The following USP43 variants were observed in gnomAD, a reference collection of about 807,000 sequenced individuals.
USP43 encodes the protein ubiquitin specific peptidase 43, also known as ubiquitin carboxyl-terminal hydrolase 43.
In USP43, 33 loss-of-function variants were observed where a neutral mutation model predicts 90.7. The ratio of observed to expected loss-of-function variants is 0.36; its 90% confidence interval spans 0.28 to 0.49. USP43 has a LOEUF of 0.49. Among genes scored for constraint, USP43 ranks in the 20% least tolerant of loss-of-function variants. The probability of loss-of-function intolerance (pLI) is 0.98; values close to 1 mark genes in which losing one functional copy is unlikely to be tolerated. For synonymous variants in USP43, 598 were observed against 615.8 expected (o/e 0.97, Z 0.43); for missense variants, 1,274 against 1,476.4 (o/e 0.86, Z 2.25).
intron 1 of USP43, among the ~76,000 whole-genome samples, chr17:9,655,419 G>A (rs941825236): frequency 6.6e-6 from 1 of 152,190 alleles, no homozygotes; most frequent in South Asian, 2.1e-4. Flanking sequence ...GGGGTACCAC[G>A]GGATGAAGGC....
intron 12 of USP43, among the ~76,000 whole-genome samples, chr17:9,707,625 C>T (rs978435639): frequency 1.5e-5 from 2 of 133,836 alleles, no homozygotes; most frequent in Non-Finnish European, 3.1e-5. Context: ...CCAGCCTGGG[C>T]GACAGACCGA....
At chr17:9,662,292 A>T (rs1912696393) in intron 2 of USP43, among the ~76,000 whole-genome samples, 1 of 152,114 alleles carries the variant, frequency 6.6e-6, no homozygotes, top group Non-Finnish European at 1.5e-5. Flanking sequence ...GGGCAGTCAA[A>T]ATAGGCTAGG....
intron 14 of USP43, 117 bp from the exon 15 acceptor site, chr17:9,727,836 TG>T (rs1917351036): frequency 8.6e-7 from 1 of 1,157,992 alleles, no homozygotes; most frequent in South Asian, 1.6e-5. Context: ...TCTTCACTGC[TG>T]TGTCTCCAGT....
At chr17:9,678,813 A>G (rs866661589) in intron 5 of USP43, among the ~76,000 whole-genome samples, 1 of 147,074 alleles carries the variant, frequency 6.8e-6, no homozygotes, top group Non-Finnish European at 1.5e-5. Flanking sequence ...CTTTTCTGGG[A>G]TGAAGTACAT....
Position 9,674,987 on chromosome 17 carries a change from CGTGA to C in USP43, c.833+8_833+11del. The C allele has an allele frequency of 1.9e-6, 3 of 1,613,166 alleles. No individual in the cohort carries two copies. Among genetic ancestry groups the C allele is most frequent in the Non-Finnish European group, 2.5e-6 (3 of 1,179,140 alleles). On this transcript the variant is annotated splice_donor_5th_base_variant and intron_variant, in intron 4 of 14. Coordinates refer to ENST00000285199, the MANE Select transcript of USP43 (RefSeq NM_153210.5). This position sits in a 1 kb window ranked among gnomAD's most constrained non-coding sequence, Gnocchi z 4.4. ...CTATCCCCTTGCGCCAGACGAGGTA[CGTGA>C]GTGTCGCGGCTTGCCCGGTGAACTT...
chr17:9,704,301 C>CT (rs941142008), intron 12 of USP43, among the ~76,000 whole-genome samples: 32 of 151,846 alleles, frequency 2.1e-4, no homozygotes, highest in African/African-American at 3.6e-4. Context: ...TATCTTTGTG[C>CT]TTTTTTTTGT....
intron 14 of USP43, among the ~76,000 whole-genome samples, chr17:9,717,321 C>G (rs1178242290): frequency 6.6e-6 from 1 of 151,198 alleles, no homozygotes; most frequent in Non-Finnish European, 1.5e-5. Flanking sequence ...GTCTGCATTT[C>G]TGTTGGGTGT....
At chr17:9,660,918 C>A (rs139030203) in intron 2 of USP43, among the ~76,000 whole-genome samples, 1 of 152,332 alleles carries the variant, frequency 6.6e-6, no homozygotes, top group Non-Finnish European at 1.5e-5. Context: ...CGGCTGTGTA[C>A]GCTTGAAGGT....
At chr17:9,699,681 G>A (rs913314989) in intron 9 of USP43, among the ~76,000 whole-genome samples, 7 of 152,216 alleles carry the variant, frequency 4.6e-5, no homozygotes, top group Admixed American at 4.6e-4. Flanking sequence ...AGAGCTACAG[G>A]TTGACAGGCA....
rs550699190 is a variant in USP43, at chr17:9,677,332, T to C, written c.969+451T>C. ...TAGCTAGTAAGTGGCTGAGCCAGGA[T>C]TTGGATTTCGATGGTTTGACTTCAT... On this transcript the variant is annotated intron_variant, in intron 5 of 14. Coordinates refer to ENST00000285199, the MANE Select transcript of USP43 (RefSeq NM_153210.5). Among the ~76,000 whole-genome samples the C allele has an allele frequency of 2.0e-5, 3 of 152,224 alleles. No homozygotes were observed. In the South Asian group the frequency reaches 6.2e-4, roughly 32 times the overall value.
chr17:9,694,465 G>A lies in USP43; in HGVS notation c.1457+1235G>A, dbSNP rs188681083. Among the ~76,000 whole-genome samples, 425 of 152,272 alleles carry A rather than the reference G, an allele frequency of 2.8e-3. 3 individuals carry two copies. Among genetic ancestry groups the A allele is most frequent in the Non-Finnish European group, 4.8e-3 (327 of 68,032 alleles). On this transcript the variant is annotated intron_variant, in intron 9 of 14. Coordinates refer to ENST00000285199, the MANE Select transcript of USP43 (RefSeq NM_153210.5). ...CCTGTGAGCTAATTGTCACCAGCCC[G>A]TGACAAGAACTTGAGAGGAAGCACT...
In USP43 at chr17:9,674,916, C is replaced by T. The variant is rs1375012394; in HGVS notation, c.766C>T (p.Leu256=). 1.1e-5 allele frequency: 18 copies of T among 1,613,898 alleles called. No individual in the cohort carries two copies. Among genetic ancestry groups the T allele is most frequent in the Non-Finnish European group, 1.5e-5 (18 of 1,179,906 alleles). ...YRSSLTCPHC[L]KQSNTFDPFL... Reference sequence around the variant, plus strand: ...ATCTTCCTTGACTTGTCCCCACTGCCTGAAACAGAGCAACACCTTTGATCC... The same window carrying T: ...ATCTTCCTTGACTTGTCCCCACTGCTTGAAACAGAGCAACACCTTTGATCC... Residue 256 remains leucine, a synonymous_variant, in exon 4 of 15, where the codon CTG becomes TTG. Transcript: ENST00000285199. This position sits in a 1 kb window ranked among gnomAD's most constrained non-coding sequence, Gnocchi z 4.4.
At chr17:9,691,967 G>A (rs894343452) in intron 8 of USP43, among the ~76,000 whole-genome samples, 19 of 151,556 alleles carry the variant, frequency 1.3e-4, no homozygotes, top group African/African-American at 3.6e-4. Flanking sequence ...GCAAGAACCC[G>A]GGAGGCAGAG....
At chr17:9,715,399 G>C (rs1050429218) in intron 14 of USP43, among the ~76,000 whole-genome samples, 3 of 152,164 alleles carry the variant, frequency 2.0e-5, no homozygotes, top group Non-Finnish European at 4.4e-5. Flanking sequence ...GCTGCAGTGA[G>C]CTGTGAGCAC....
chr17:9,668,283 A>C (rs10521160), intron 3 of USP43, among the ~76,000 whole-genome samples: 25,006 of 152,118 alleles, frequency 0.16, 2,141 homozygotes, highest in East Asian at 0.32. Flanking sequence ...CAAGGAGATA[A>C]TTATTCAGTC....
In USP43 at chr17:9,700,186, G is replaced by A. The variant is rs369859972; in HGVS notation, c.1472G>A (p.Arg491Lys). 1 of 1,605,592 alleles carries A rather than the reference G, an allele frequency of 6.2e-7. No homozygotes were observed. Among genetic ancestry groups the A allele is most frequent in the Non-Finnish European group, 8.5e-7 (1 of 1,176,382 alleles). Residue 491 changes from arginine (R) to lysine (K), a missense_variant, in exon 10 of 15, where the codon AGG (arginine) becomes AAG (lysine). Physicochemically the swap from Arg to Lys is conservative, Grantham distance 26. Around this residue, in one of 6 missense-constraint regions of USP43, gnomAD observed 253 missense variants for 276.0 expected, o/e 0.92. Coordinates refer to ENST00000285199, the MANE Select transcript of USP43 (RefSeq NM_153210.5). ...HWAVDRVLHL[R>K]RPGGPPHVKL... ...TCTCTTCTCAGGGTTTTGCATCTCA[G>A]GAGGCCAGGAGGCCCTCCACATGTC...
intron 7 of USP43, among the ~76,000 whole-genome samples, chr17:9,683,389 T>TTTTTTTTTTTTTTTTTTTTTTTTTTAG (rs1914416925): frequency 6.6e-6 from 1 of 152,184 alleles, no homozygotes; most frequent in African/African-American, 2.4e-5. Context: ...ATAGCTTTCT[T>TTTTTTTTTTTTTTTTTTTTTTTTTTAG]ATATAGCCCA....
chr17:9,726,555 G>A (rs1350910869), intron 14 of USP43, among the ~76,000 whole-genome samples: 2 of 152,180 alleles, frequency 1.3e-5, no homozygotes, highest in African/African-American at 2.4e-5. Context: ...CACATGGCAG[G>A]AAGAGAGCTG....
In USP43 at chr17:9,693,186, G is replaced by A; in HGVS notation, c.1413G>A (p.Leu471=). 6.2e-7 allele frequency: 1 copy of A among 1,613,684 alleles called. No homozygotes were observed. The highest frequency in any genetic ancestry group is 1.1e-5 in the South Asian group (1 of 90,916). The part of the protein sequence containing the change: ...VVGLSVACSY[L]SPKDSRPLCH... ...GACTCTCTGTGGCCTGCAGCTATTTGTCTCCGAAGGACAGTCGGCCCCTCT... is the reference window on the plus strand; with the variant it reads ...GACTCTCTGTGGCCTGCAGCTATTTATCTCCGAAGGACAGTCGGCCCCTCT... Residue 471 remains leucine (L), a synonymous_variant, in exon 9 of 15, where the codon TTG becomes TTA. Transcript: ENST00000285199.
Sources: allele counts gnomAD v4.1 joint callset (sites outside exome capture counted in the v4.1 genomes callset), GRCh38; gene constraint gnomAD v4.1.1; regional missense constraint gnomAD v4.1.1; non-coding constraint Gnocchi (gnomAD v3.1); transcripts MANE v1.5; gene names NCBI Gene and HGNC (gene_info 2026-07-23, HGNC 2026-07-21).